The following FOXP1 variants were observed in gnomAD, a reference collection of about 807,000 sequenced individuals.
FOXP1 encodes the protein forkhead box protein P1.
A neutral mutation model predicts 98.2 loss-of-function variants in FOXP1; 15 were observed. The ratio of observed to expected loss-of-function variants is 0.15; its 90% CI spans 0.10 to 0.24. FOXP1 has a LOEUF of 0.24. FOXP1 is among the 10% of genes least tolerant of loss of function. The pLI is 1.00. For missense variants in FOXP1, 633 were observed against 848.5 expected, an observed-to-expected ratio of 0.75 and a Z score of 3.15; for synonymous variants, 371 against 314.5, an observed-to-expected ratio of 1.18 and a Z score of -1.90.
intron 3 of FOXP1, among the ~76,000 whole-genome samples, chr3:71,454,754 G>T (rs2087292610): frequency 1.3e-5 from 2 of 151,226 alleles, no homozygotes; most frequent in African/African-American, 2.4e-5. Context: ...AAAGTCTGTG[G>T]AATACGTGGA....
At chr3:71,349,633 T>C (rs2077645791) in intron 4 of FOXP1, among the ~76,000 whole-genome samples, 1 of 121,208 alleles carries the variant, frequency 8.3e-6, no homozygotes, top group South Asian at 3.1e-4. Context: ...GTAAGTAACA[T>C]GCAAAAATAA....
chr3:71,225,026 GC>G (rs1305634312), intron 5 of FOXP1, among the ~76,000 whole-genome samples: 1 of 152,160 alleles, frequency 6.6e-6, no homozygotes, highest in African/African-American at 2.4e-5. Context: ...ATAAAACACA[GC>G]CACCTTCAAA....
chr3:70,973,669 A>G (rs2036834567), intron 17 of FOXP1, among the ~76,000 whole-genome samples: 1 of 152,172 alleles, frequency 6.6e-6, no homozygotes, highest in Non-Finnish European at 1.5e-5. Flanking sequence ...GACATTCTAA[A>G]GAGATTCAGG....
chr3:71,413,290 A>ACACACCCC (rs371166757), intron 3 of FOXP1, among the ~76,000 whole-genome samples: 9 of 138,620 alleles, frequency 6.5e-5, no homozygotes, highest in South Asian at 4.9e-4. Flanking sequence ...ACACACACAC[A>ACACACCCC]CCCAAAACAG....
At chr3:71,161,674 C>T (rs2061143821) in intron 6 of FOXP1, among the ~76,000 whole-genome samples, 2 of 152,334 alleles carry the variant, frequency 1.3e-5, no homozygotes, top group South Asian at 2.1e-4. Flanking sequence ...AGAATTTAAG[C>T]TCAATTTCCT....
chr3:70,960,793 C>G (rs144710687), intron 20 of FOXP1, among the ~76,000 whole-genome samples: 299 of 151,878 alleles, frequency 2.0e-3, no homozygotes, highest in African/African-American at 6.9e-3. Context: ...AAAATTAGCA[C>G]AGCCTAGAGA....
Position 70,958,077 on chromosome 3 carries a change from G to T in FOXP1, c.*1170C>A. 6.7e-6 allele frequency: 2 copies of T among 296,306 alleles called. No homozygotes were observed. The highest frequency in any genetic ancestry group is 1.3e-5 in the Non-Finnish European group (2 of 153,532). The allele number at this position is 296,306 out of a possible 1,614,324, so 18.4% of individuals were successfully genotyped here. On this transcript the variant is annotated 3_prime_UTR_variant, in exon 21 of 21. Coordinates refer to ENST00000649528, the MANE Select transcript of FOXP1 (RefSeq NM_001349338.3). Reference sequence around the variant, plus strand: ...GGCCCATGGCAACTTGGTTCCACAAGGGAGAGCCTTCCAAGGCCATATTGT... The same window carrying T: ...GGCCCATGGCAACTTGGTTCCACAATGGAGAGCCTTCCAAGGCCATATTGT...
intron 2 of FOXP1, among the ~76,000 whole-genome samples, chr3:71,559,830 G>C (rs776357828): frequency 3.9e-5 from 6 of 151,934 alleles, no homozygotes; most frequent in Non-Finnish European, 5.9e-5. Flanking sequence ...CTGGGTGACA[G>C]AAGGAAACCT....
chr3:71,242,726 C>T (rs2067389036), intron 5 of FOXP1, among the ~76,000 whole-genome samples: 1 of 144,738 alleles, frequency 6.9e-6, no homozygotes, highest in Non-Finnish European at 1.5e-5. Flanking sequence ...CGCTGTGATA[C>T]ACAGCATGGC....
At chr3:71,374,775 G>C (rs2079599004) in intron 3 of FOXP1, among the ~76,000 whole-genome samples, 1 of 152,156 alleles carries the variant, frequency 6.6e-6, no homozygotes, top group Non-Finnish European at 1.5e-5. Context: ...CAATTTTAAA[G>C]AGCTGGAGAC....
At chr3:70,976,343 T>G (rs1032070685) in intron 17 of FOXP1, among the ~76,000 whole-genome samples, 2 of 152,166 alleles carry the variant, frequency 1.3e-5, no homozygotes, top group African/African-American at 4.8e-5. Flanking sequence ...CATGAGCCAC[T>G]GTGCCTGGCC....
chr3:71,573,888 T>C (rs935832757), intron 2 of FOXP1: 2 of 152,208 alleles, frequency 1.3e-5, no homozygotes, highest in African/African-American at 4.8e-5. Context: ...TAATGAAATA[T>C]CAGTTAATTA....
chr3:71,440,882 AAATAAG>A (rs1271442788), intron 3 of FOXP1, among the ~76,000 whole-genome samples: 2 of 152,062 alleles, frequency 1.3e-5, no homozygotes, highest in African/African-American at 4.8e-5. Flanking sequence ...AAATAAAACA[AAATAAG>A]AATAAGGAAC....
chr3:71,391,231 C>T (rs1452525017), intron 3 of FOXP1, among the ~76,000 whole-genome samples: 1 of 152,214 alleles, frequency 6.6e-6, no homozygotes, highest in Non-Finnish European at 1.5e-5. Flanking sequence ...TTGACTTCCT[C>T]CAGTTTAAAT....
chr3:71,364,951 T>C (rs1560375251), intron 3 of FOXP1, among the ~76,000 whole-genome samples: 1 of 152,274 alleles, frequency 6.6e-6, no homozygotes, highest in Admixed American at 6.5e-5. Flanking sequence ...AAACTTTTTC[T>C]GTAAAGGAAC....
intron 4 of FOXP1, among the ~76,000 whole-genome samples, chr3:71,309,050 G>C (rs564718259): frequency 6.6e-6 from 1 of 152,176 alleles, no homozygotes; most frequent in South Asian, 2.1e-4. Context: ...ACCAAGTTAC[G>C]CTTGCTGATA....
chr3:71,112,660 C>A (rs2058036298), intron 6 of FOXP1, 23 bp from the exon 7 acceptor site: 1 of 1,572,860 alleles, frequency 6.4e-7, no homozygotes, highest in Non-Finnish European at 8.8e-7. Flanking sequence ...ACAAGAAAAT[C>A]CTTTGCGTTA....
Position 71,070,291 on chromosome 3 carries a change from G to A in FOXP1, c.283-16518C>T, listed in dbSNP as rs193130265. 5.9e-3 allele frequency among the ~76,000 whole-genome samples: 898 copies of A among 152,236 alleles called. 6 individuals are homozygous for A. Among genetic ancestry groups the A allele is most frequent in the Middle Eastern group, 0.054 (16 of 294 alleles). The stretch of plus-strand genomic sequence containing the variant: ...CTCACAGCAGGGGAGTGCCAAACTC[G>A]ATATTTTAGCTCACCTAAGAGAACA... On this transcript the variant is annotated intron_variant, in intron 7 of 20. Coordinates refer to ENST00000649528, the MANE Select transcript of FOXP1 (RefSeq NM_001349338.3).
intron 19 of FOXP1, among the ~76,000 whole-genome samples, chr3:70,966,530 C>G (rs1381451850): frequency 3.9e-5 from 6 of 152,164 alleles, no homozygotes; most frequent in East Asian, 1.9e-4. Flanking sequence ...ACATTTACCT[C>G]TTAGATCCTA....
Sources: allele counts gnomAD v4.1 joint callset (sites outside exome capture counted in the v4.1 genomes callset), GRCh38; gene constraint gnomAD v4.1.1; transcripts MANE v1.5; gene names NCBI Gene and HGNC (gene_info 2026-07-23, HGNC 2026-07-21).